The following MIEF1 variants were observed in gnomAD, a reference collection of about 807,000 sequenced individuals.
MIEF1 encodes the protein mitochondrial elongation factor 1.
MIEF1 carries 14 observed loss-of-function variants against 35.1 expected under a neutral mutation model. That is an observed-to-expected ratio of 0.40 (90% CI 0.26 to 0.62). The LOEUF (loss-of-function observed/expected upper bound fraction) is 0.62, where lower values mean the gene tolerates loss of function less well. Among genes scored for constraint, MIEF1 ranks in the 20% least tolerant of loss-of-function variants. MIEF1 has a pLI of 0.43. For missense variants in MIEF1, 542 were observed against 615.4 expected (o/e 0.88, Z 1.26); for synonymous variants, 245 against 254.3 (o/e 0.96, Z 0.35).
intron 2 of MIEF1, among the ~76,000 whole-genome samples, chr22:39,505,354 T>A (rs1331259553): frequency 6.6e-6 from 1 of 152,142 alleles, no homozygotes; most frequent in African/African-American, 2.4e-5. Flanking sequence ...TCAGCTAATT[T>A]TTTATTTATT....
At position 39,513,521 on chromosome 22, in the gene MIEF1, T is replaced by G. The variant is rs1181318722; in HGVS notation, c.590T>G (p.Val197Gly). Residue 197 changes from valine to glycine, a missense_variant, in exon 6 of 6, where the codon GTG becomes GGG. Val to Gly is a moderately radical substitution (Grantham distance 109, BLOSUM62 -3). Coordinates refer to ENST00000325301, the MANE Select transcript of MIEF1 (RefSeq NM_019008.6). ...CTTTAAATTCTGCCCTGACAGGTGGTGACAGCTGACCACATCCAACTCATT... is the reference window on the plus strand; with the variant it reads ...CTTTAAATTCTGCCCTGACAGGTGGGGACAGCTGACCACATCCAACTCATT... ...SGSLYDDLQV[V>G]TADHIQLIVP... 3.1e-6 allele frequency: 5 copies of G among 1,613,276 alleles called. No individual in the cohort carries two copies. The highest frequency in any genetic ancestry group is 4.2e-6 in the Non-Finnish European group (5 of 1,179,424).
At chr22:39,508,230 T>TAATA (rs1930147687) in intron 2 of MIEF1, among the ~76,000 whole-genome samples, 2 of 152,364 alleles carry the variant, frequency 1.3e-5, no homozygotes, top group African/African-American at 4.8e-5. Context: ...GTCACCCAGC[T>TAATA]AATAAGTCAG....
Position 39,513,910 on chromosome 22 carries a change from C to T in MIEF1, c.979C>T (p.Pro327Ser), listed in dbSNP as rs755667019. The T allele has an allele frequency of 6.2e-7, 1 of 1,614,076 alleles. No individual in the cohort carries two copies. The highest frequency in any genetic ancestry group is 1.3e-5 in the African/African-American group (1 of 75,060). The change falls in exon 6 of 6, where the codon CCA (proline) becomes TCA (serine). Residue 327 changes from proline (P) to serine (S), a missense_variant. By Grantham distance (74) the Pro-to-Ser change is moderately conservative. Transcript: ENST00000325301. ...CGGTGACACAGTCTTGGTGGCCAAA[C>T]CACACCGGCTAGCCCAGTATGACAA... The part of the protein sequence containing the change: ...TLGDTVLVAK[P>S]HRLAQYDNLW...
At chr22:39,505,602 T>TC (rs1460200706) in intron 2 of MIEF1, among the ~76,000 whole-genome samples, 5 of 152,204 alleles carry the variant, frequency 3.3e-5, no homozygotes, top group Non-Finnish European at 7.3e-5. Flanking sequence ...GGACGTTGAC[T>TC]CCAAGTTGAG....
chr22:39,511,454 C>T lies in MIEF1; in HGVS notation c.144+16C>T. On this transcript the variant is annotated intron_variant, in intron 3 of 5. Transcript: ENST00000325301. ...AGTTAAGCGGGTAAGTGCATGCAGC[C>T]AGGGCTGGGGGTGGAATGTAGTGGT... 6.5e-7 allele frequency: 1 copy of T among 1,542,066 alleles called. No homozygotes were observed.
At chr22:39,510,159 T>C (rs1210141708) in intron 2 of MIEF1, among the ~76,000 whole-genome samples, 2 of 152,162 alleles carry the variant, frequency 1.3e-5, no homozygotes, top group Admixed American at 6.5e-5. Context: ...GGTTTCTCCA[T>C]GTTGGCCAGG....
At position 39,513,871 on chromosome 22, in the gene MIEF1, C is replaced by A. The variant is rs1051696830; in HGVS notation, c.940C>A (p.Pro314Thr). The change falls in exon 6 of 6, where the codon CCA (proline) becomes ACA (threonine). Residue 314 changes from proline (P) to threonine (T), a missense_variant. Transcript: ENST00000325301. ...CAAACATCTCTTCATTGACTTCCTG[C>A]CATCAGTGACCCTCGGTGACACAGT... Reference protein sequence around the residue: ...RDKHLFIDFLPSVTLGDTVLV... With the variant: ...RDKHLFIDFLTSVTLGDTVLV... 4 of 1,614,122 alleles carry A rather than the reference C, an allele frequency of 2.5e-6. No individual in the cohort carries two copies. Among genetic ancestry groups the A allele is most frequent in the East Asian group, 2.2e-5 (1 of 44,888 alleles).
chr22:39,512,145 G>A lies in MIEF1; in HGVS notation c.323-87G>A, dbSNP rs1292701558. On this transcript the variant is annotated intron_variant, in intron 4 of 5. Coordinates refer to ENST00000325301, the MANE Select transcript of MIEF1 (RefSeq NM_019008.6). ...CACTGTGCCAGCACTTGCCCTCCAT[G>A]CCAGGCCCTTCTTTCTGGGGCTGAG... 6 of 1,562,106 alleles carry A rather than the reference G, an allele frequency of 3.8e-6. No homozygotes were observed. The Admixed American group carries it at 7.0e-5, about 18-fold the overall frequency.
In MIEF1 at chr22:39,517,722, A is replaced by G; in HGVS notation, c.*3399A>G. The stretch of plus-strand genomic sequence containing the variant: ...GAGAATGATAGGAGACTTAGGACAG[A>G]GCTGACCCTTGCACCAGGCTGGGAG... On this transcript the variant is annotated 3_prime_UTR_variant, in exon 6 of 6. Coordinates refer to ENST00000325301, the MANE Select transcript of MIEF1 (RefSeq NM_019008.6). The G allele has an allele frequency of 2.4e-6, 1 of 421,078 alleles. No individual in the cohort carries two copies. The highest frequency in any genetic ancestry group is 5.0e-6 in the Non-Finnish European group (1 of 201,342). 26.1% of individuals were successfully genotyped at this position (421,078 alleles called of 1,614,324 possible).
At chr22:39,511,520 A>G in intron 3 of MIEF1, 82 bp downstream of exon 3, 1 of 1,448,380 alleles carries the variant, frequency 6.9e-7, no homozygotes, top group Non-Finnish European at 9.1e-7. Flanking sequence ...GAAAATGTCG[A>G]AGCGTTCTAG....
At position 39,517,893 on chromosome 22, in the gene MIEF1, C is replaced by T; in HGVS notation, c.*3570C>T. On this transcript the variant is annotated 3_prime_UTR_variant, in exon 6 of 6. Coordinates refer to ENST00000325301, the MANE Select transcript of MIEF1 (RefSeq NM_019008.6). The stretch of plus-strand genomic sequence containing the variant: ...TTCTTGGTCCCTGAGGCCAAGTCCA[C>T]AACTTGCCTTCTAGTCACTTGCCTG... 1 of 236,856 alleles carries T rather than the reference C, an allele frequency of 4.2e-6. No homozygotes were observed. Among genetic ancestry groups the T allele is most frequent in the African/African-American group, 2.3e-5 (1 of 43,460 alleles). 14.7% of individuals were successfully genotyped at this position (236,856 alleles called of 1,614,324 possible). A position where few individuals can be genotyped will look rare whatever the true frequency, so the allele number is the denominator to read the frequency against.
upstream of MIEF1, chr22:39,500,535 T>C (rs541488281): frequency 1.3e-5 from 2 of 150,898 alleles, no homozygotes; most frequent in East Asian, 1.9e-4. Flanking sequence ...TTTATTTGGG[T>C]CACAAAATTC....
chr22:39,512,860 G>T (rs1930432020), intron 5 of MIEF1, among the ~76,000 whole-genome samples: 1 of 152,158 alleles, frequency 6.6e-6, no homozygotes, highest in South Asian at 2.1e-4. Flanking sequence ...TGCCGGTCAG[G>T]CTGGTCTCGA....
At chr22:39,512,049 C>G (rs375527126) in intron 4 of MIEF1, 23 bp downstream of exon 4, 10 of 1,603,834 alleles carry the variant, frequency 6.2e-6, no homozygotes, top group Middle Eastern at 1.7e-4. Context: ...GCTGCCCCTC[C>G]TGGGACCTCT....
chr22:39,511,229 A>C, intron 2 of MIEF1, 59 bp from the exon 3 acceptor site: 1 of 1,604,578 alleles, frequency 6.2e-7, no homozygotes, highest in South Asian at 1.1e-5. Flanking sequence ...TTGGCTTGTT[A>C]GGGGAGGGAG....
At chr22:39,511,756 C>T in intron 3 of MIEF1, 93 bp from the exon 4 acceptor site, 1 of 1,448,448 alleles carries the variant, frequency 6.9e-7, no homozygotes, top group Non-Finnish European at 9.3e-7. Context: ...ACTAAAAGAA[C>T]TTACTAGGAC....
rs1426539660 is a variant in MIEF1 at position 39,516,231 on chromosome 22, T to A, written c.*1908T>A. On this transcript the variant is annotated 3_prime_UTR_variant, in exon 6 of 6. Transcript: ENST00000325301. Reference sequence around the variant, plus strand: ...GAATCTAGAAGGTATGGGGTAGAGCTTGACAGGGTTCCTGTGTACCCACTG... The same window carrying A: ...GAATCTAGAAGGTATGGGGTAGAGCATGACAGGGTTCCTGTGTACCCACTG... 1 of 151,988 alleles carries A rather than the reference T, an allele frequency of 6.6e-6. No individual in the cohort carries two copies. Among genetic ancestry groups the A allele is most frequent in the African/African-American group, 2.4e-5 (1 of 41,390 alleles). 9.4% of individuals were successfully genotyped at this position (151,988 alleles called of 1,614,324 possible).
Position 39,514,656 on chromosome 22 carries a change from G to A in MIEF1, c.*333G>A. The A allele has an allele frequency of 2.7e-6, 1 of 365,586 alleles. No homozygotes were observed. The highest frequency in any genetic ancestry group is 5.0e-6 in the Non-Finnish European group (1 of 198,226). The allele number at this position is 365,586 out of a possible 1,614,324, so 22.6% of individuals were successfully genotyped here. On this transcript the variant is annotated 3_prime_UTR_variant, in exon 6 of 6. Transcript: ENST00000325301. ...TGGCCCATGTTTGCTGCCTCTATCT[G>A]GTCTGCCTTGCCCGTTTGCCTGTTC...
chr22:39,512,284 C>T lies in MIEF1; in HGVS notation c.375C>T (p.Asp125=). The part of the protein sequence containing the change: ...PKPVARKGQV[D]LKKSRLRMSL... ...CAGTGGCCAGGAAGGGCCAGGTAGA[C>T]TTGAAGAAGTCACGACTCCGCATGT... is the stretch of plus-strand genomic sequence containing the variant. The change falls in exon 5 of 6, where the codon GAC becomes GAT. Residue 125 remains aspartate, a synonymous_variant. Coordinates refer to ENST00000325301, the MANE Select transcript of MIEF1 (RefSeq NM_019008.6). 3 of 1,614,096 alleles carry T rather than the reference C, an allele frequency of 1.9e-6. No homozygotes were observed. The highest frequency in any genetic ancestry group is 2.5e-6 in the Non-Finnish European group (3 of 1,180,014).
Sources: gnomAD v4.1 joint callset for allele counts (sites outside exome capture counted in the v4.1 genomes callset) on GRCh38, gnomAD v4.1.1 for gene constraint, MANE v1.5 for transcripts, NCBI Gene and HGNC (gene_info 2026-07-23, HGNC 2026-07-21) for gene names.